DENND4A: variants seen among roughly 807,000 people sequenced by gnomAD.
The protein encoded by DENND4A is C-myc promoter-binding protein.
A neutral mutation model predicts 199.3 loss-of-function variants in DENND4A; 70 were observed. That is an observed-to-expected ratio of 0.35 (90% CI 0.29 to 0.43). DENND4A has a LOEUF of 0.43. Among genes scored for constraint, DENND4A ranks in the 20% least tolerant of loss-of-function variants. DENND4A has a pLI of 1.00. For missense variants in DENND4A, 1,723 were observed against 2,255.8 expected (o/e 0.76, Z 4.78); for synonymous variants, 686 against 766.9 (o/e 0.89, Z 1.74).
intron 8 of DENND4A, among the ~76,000 whole-genome samples, chr15:65,731,991 A>G (rs2075974883): frequency 1.3e-5 from 2 of 152,044 alleles, no homozygotes; most frequent in East Asian, 1.9e-4. Context: ...ATTTAATACC[A>G]TAATACCAGG....
In DENND4A at chr15:65,689,064, A is replaced by C. The variant is rs1046225355; in HGVS notation, c.4179+1351T>G. 3.3e-5 allele frequency among the ~76,000 whole-genome samples: 5 copies of C among 152,116 alleles called. No homozygotes were observed. In the East Asian group the frequency reaches 9.6e-4, roughly 29 times the overall value. On this transcript the variant is annotated intron_variant, in intron 23 of 32. Coordinates refer to ENST00000443035, the MANE Select transcript of DENND4A (RefSeq NM_001320835.1). ...TCTTTCCAGTGTCTTCTGACATCAT[A>C]GTTTCTCTTCAGAAGACCACTGCTC...
chr15:65,697,896 CTGTA>C (rs1356164797), intron 20 of DENND4A, among the ~76,000 whole-genome samples: 36 of 152,212 alleles, frequency 2.4e-4, no homozygotes, highest in African/African-American at 8.4e-4. Context: ...AATCATTGAA[CTGTA>C]TGTGAGTACA....
chr15:65,706,320 G>A, intron 14 of DENND4A, 96 bp from the exon 15 acceptor site: 2 of 1,152,574 alleles, frequency 1.7e-6, no homozygotes, highest in Non-Finnish European at 2.3e-6. Context: ...CTGCACAATG[G>A]ATACTAAACA....
intron 1 of DENND4A, chr15:65,766,715 TG>T (rs1373822032): frequency 1.3e-5 from 2 of 151,976 alleles, no homozygotes; most frequent in Non-Finnish European, 2.9e-5. Context: ...GGGCAGAGAG[TG>T]ATCATCCATT....
At chr15:65,746,082 G>A (rs916868828) in intron 4 of DENND4A, among the ~76,000 whole-genome samples, 38 of 151,540 alleles carry the variant, frequency 2.5e-4, no homozygotes, top group African/African-American at 7.7e-4. Flanking sequence ...CGGAGGTTGC[G>A]GTGTGCAGAG....
At chr15:65,740,015 T>C (rs2076214297) in intron 5 of DENND4A, among the ~76,000 whole-genome samples, 1 of 152,064 alleles carries the variant, frequency 6.6e-6, no homozygotes, top group Admixed American at 6.6e-5. Context: ...ACCCCATCTC[T>C]ACTAAAATAC....
intron 1 of DENND4A, among the ~76,000 whole-genome samples, chr15:65,778,888 C>T (rs116012328): frequency 0.044 from 5,512 of 125,412 alleles, 378 homozygotes; most frequent in African/African-American, 0.17. Context: ...AACGAGACTC[C>T]GCATCAAAAA....
At chr15:65,735,148 T>C (rs907042790) in intron 7 of DENND4A, among the ~76,000 whole-genome samples, 1 of 151,644 alleles carries the variant, frequency 6.6e-6, no homozygotes, top group African/African-American at 2.4e-5. Context: ...GAGGCCAAGG[T>C]GGGCGGATCA....
intron 1 of DENND4A, among the ~76,000 whole-genome samples, chr15:65,764,476 C>A (rs1033117592): frequency 1.3e-5 from 2 of 151,868 alleles, no homozygotes; most frequent in African/African-American, 4.8e-5. Context: ...ACTAAAAATA[C>A]AAAAATTAGC....
chr15:65,741,902 TGCTA>T (rs1424234721), intron 4 of DENND4A, 118 bp from the exon 5 acceptor site: 2 of 647,876 alleles, frequency 3.1e-6, no homozygotes, highest in Non-Finnish European at 4.8e-6. Flanking sequence ...AATTTCCCTC[TGCTA>T]GCTATTTTCA....
chr15:65,729,019 C>T (rs954398729), intron 11 of DENND4A, 53 bp downstream of exon 11: 4 of 1,437,228 alleles, frequency 2.8e-6, no homozygotes, highest in African/African-American at 2.8e-5. Flanking sequence ...CAGTTACATA[C>T]ATATGCTACA....
intron 15 of DENND4A, among the ~76,000 whole-genome samples, chr15:65,705,103 A>C (rs2075005812): frequency 2.0e-5 from 3 of 152,204 alleles, no homozygotes; most frequent in Admixed American, 1.3e-4. Flanking sequence ...CTTTGACAGA[A>C]GACATTTAAA....
intron 31 of DENND4A, 28 bp downstream of exon 31, chr15:65,664,532 A>C (rs374936047): frequency 1.3e-6 from 2 of 1,598,810 alleles, no homozygotes; most frequent in Admixed American, 3.4e-5. Context: ...CTAGGAGAAC[A>C]ATATATTCGT....
At chr15:65,676,141 AATATATATAT>A (rs57613461) in intron 24 of DENND4A, among the ~76,000 whole-genome samples, 4 of 110,466 alleles carry the variant, frequency 3.6e-5, no homozygotes, top group East Asian at 6.1e-4. Flanking sequence ...AATAAGGAAA[AATATATATAT>A]ATATATATAT....
chr15:65,720,856 G>C (rs553463404), intron 12 of DENND4A, among the ~76,000 whole-genome samples: 91 of 149,840 alleles, frequency 6.1e-4, no homozygotes, highest in African/African-American at 2.1e-3. Flanking sequence ...TAAAGCGTTA[G>C]AGTCCTTAAT....
At chr15:65,784,456 CAA>C (rs60657281) in intron 1 of DENND4A, among the ~76,000 whole-genome samples, 3 of 138,338 alleles carry the variant, frequency 2.2e-5, no homozygotes, top group Non-Finnish European at 4.8e-5. Context: ...CCATTTCTTA[CAA>C]AAAAAAAAAA....
intron 3 of DENND4A, among the ~76,000 whole-genome samples, chr15:65,754,933 T>C (rs989836323): frequency 4.6e-5 from 7 of 152,296 alleles, no homozygotes; most frequent in African/African-American, 1.7e-4. Context: ...TGAAAATACA[T>C]GTCCACATAA....
chr15:65,684,899 A>G (rs903454987), intron 23 of DENND4A, among the ~76,000 whole-genome samples: 4 of 139,604 alleles, frequency 2.9e-5, no homozygotes, highest in South Asian at 2.2e-4. Flanking sequence ...ATCTTGGCTC[A>G]CCGCAATCTC....
intron 4 of DENND4A, among the ~76,000 whole-genome samples, chr15:65,751,715 G>A (rs1045922229): frequency 2.6e-5 from 4 of 152,112 alleles, no homozygotes; most frequent in African/African-American, 9.7e-5. Flanking sequence ...TTTCAAGAAG[G>A]AAGAAGTAAC....
Sources: gnomAD v4.1 joint callset for allele counts (sites outside exome capture counted in the v4.1 genomes callset) on GRCh38, gnomAD v4.1.1 for gene constraint, MANE v1.5 for transcripts, NCBI Gene and HGNC (gene_info 2026-07-23, HGNC 2026-07-21) for gene names.